The following NKAIN2 variants were observed in gnomAD, a reference collection of about 807,000 sequenced individuals.
NKAIN2 encodes sodium/potassium transporting ATPase interacting 2, also known as sodium/potassium-transporting ATPase subunit beta-1-interacting protein 2.
In NKAIN2, 14 loss-of-function variants were observed where a neutral mutation model predicts 32.6. The observed-to-expected ratio is 0.43, with a 90% CI of 0.28 to 0.67. NKAIN2 has a LOEUF of 0.67. NKAIN2 is among the 30% of genes least tolerant of loss of function. NKAIN2 has a pLI of 0.17. For synonymous variants in NKAIN2, 80 were observed against 87.2 expected (o/e 0.92, Z 0.46); for missense variants, 198 against 258.3 (o/e 0.77, Z 1.60).
intron 3 of NKAIN2, among the ~76,000 whole-genome samples, chr6:124,589,402 G>T (rs1781826379): frequency 6.6e-6 from 1 of 152,076 alleles, no homozygotes; most frequent in Non-Finnish European, 1.5e-5. Flanking sequence ...AATATTATAT[G>T]ACCTTCCTAA....
chr6:124,108,156 A>G (rs1370549328), intron 1 of NKAIN2, among the ~76,000 whole-genome samples: 1 of 152,128 alleles, frequency 6.6e-6, no homozygotes, highest in African/African-American at 2.4e-5. Context: ...CAAGAGTTCC[A>G]ATATCTCCAC....
intron 2 of NKAIN2, among the ~76,000 whole-genome samples, chr6:124,313,064 A>G (rs1583032500): frequency 6.6e-6 from 1 of 151,942 alleles, no homozygotes; most frequent in Admixed American, 6.6e-5. Context: ...GAACCATGGG[A>G]AAAAAAACCA....
chr6:124,308,552 G>T (rs560751995), intron 2 of NKAIN2, among the ~76,000 whole-genome samples: 46 of 151,608 alleles, frequency 3.0e-4, no homozygotes, highest in Admixed American at 2.8e-3. Context: ...GTTTTGTTTT[G>T]TTTTTCTTAA....
chr6:124,185,474 A>G (rs1562408475), intron 1 of NKAIN2, among the ~76,000 whole-genome samples: 1 of 152,174 alleles, frequency 6.6e-6, no homozygotes, highest in Non-Finnish European at 1.5e-5. Context: ...TCAAAGAAAG[A>G]TGAACTTATA....
In NKAIN2 at chr6:123,804,105, G is replaced by A; in HGVS notation, c.-96G>A. Reference sequence around the variant, plus strand: ...CCCGGAGCCCCCGAGCCCTCGGCAGGTTTGCGTGTCCTTCCCCGCGATCTG... The same window carrying A: ...CCCGGAGCCCCCGAGCCCTCGGCAGATTTGCGTGTCCTTCCCCGCGATCTG... On this transcript the variant is annotated 5_prime_UTR_variant, in exon 1 of 7. Transcript: ENST00000368417. 6.8e-6 allele frequency: 8 copies of A among 1,173,704 alleles called. No individual in the cohort carries two copies. The highest frequency in any genetic ancestry group is 1.0e-5 in the Non-Finnish European group (8 of 779,402). The allele number at this position is 1,173,704 out of a possible 1,614,324, so 72.7% of individuals were successfully genotyped here. A position where few individuals can be genotyped will look rare whatever the true frequency, so the allele number is the denominator to read the frequency against.
At chr6:124,430,071 AC>A (rs1180151099) in intron 3 of NKAIN2, among the ~76,000 whole-genome samples, 2 of 152,224 alleles carry the variant, frequency 1.3e-5, no homozygotes, top group African/African-American at 4.8e-5. Flanking sequence ...AAATTCTGCA[AC>A]AACCCAAGAG....
intron 3 of NKAIN2, among the ~76,000 whole-genome samples, chr6:124,553,873 ATTATT>A (rs1197644211): frequency 1.3e-5 from 2 of 152,140 alleles, no homozygotes; most frequent in Non-Finnish European, 2.9e-5. Flanking sequence ...TTTCTATAAC[ATTATT>A]TTATTTAATC....
At chr6:124,738,316 TAATAA>T (rs972049484) in intron 4 of NKAIN2, among the ~76,000 whole-genome samples, 255 of 151,950 alleles carry the variant, frequency 1.7e-3, no homozygotes, top group African/African-American at 5.9e-3. Flanking sequence ...ATTCCTTAGA[TAATAA>T]AATAAAACAT....
At chr6:124,357,365 G>A (rs748780487) in intron 3 of NKAIN2, among the ~76,000 whole-genome samples, 7 of 151,966 alleles carry the variant, frequency 4.6e-5, no homozygotes, top group Non-Finnish European at 7.4e-5. Flanking sequence ...TTCTTTAGTC[G>A]TTGCAACTGC....
At chr6:124,474,238 A>T (rs536416196) in intron 3 of NKAIN2, among the ~76,000 whole-genome samples, 66 of 152,264 alleles carry the variant, frequency 4.3e-4, no homozygotes, top group Middle Eastern at 3.4e-3. Context: ...GCCAAATTTC[A>T]TCATCTTAAA....
chr6:124,726,945 G>A lies in NKAIN2; in HGVS notation c.475-64394G>A, dbSNP rs12578821. Among the ~76,000 whole-genome samples, 970 of 132,282 alleles carry A rather than the reference G, an allele frequency of 7.3e-3. 26 individuals are homozygous for A. Among genetic ancestry groups the A allele is most frequent in the Non-Finnish European group, 0.012 (728 of 62,002 alleles). 86.8% of individuals were successfully genotyped at this position (132,282 alleles called of 152,430 possible). ...CAGGAGCTGATGCAATCAACTGGAAGAAAGGGTATCAGCGATGGAAGATGA... is the reference window on the plus strand; with the variant it reads ...CAGGAGCTGATGCAATCAACTGGAAAAAAGGGTATCAGCGATGGAAGATGA... On this transcript the variant is annotated intron_variant, in intron 4 of 6. Transcript: ENST00000368417.
chr6:124,537,718 C>G (rs948779567), intron 3 of NKAIN2, among the ~76,000 whole-genome samples: 2 of 152,100 alleles, frequency 1.3e-5, no homozygotes, highest in Non-Finnish European at 2.9e-5. Flanking sequence ...TCTCTCTCTC[C>G]TCTCATCTTT....
intron 4 of NKAIN2, among the ~76,000 whole-genome samples, chr6:124,707,866 T>G (rs1175564016): frequency 6.6e-6 from 1 of 152,228 alleles, no homozygotes; most frequent in African/African-American, 2.4e-5. Context: ...TCTGTGAATT[T>G]TGTCTTTTGT....
chr6:124,544,909 T>C (rs1780039696), intron 3 of NKAIN2, among the ~76,000 whole-genome samples: 1 of 152,158 alleles, frequency 6.6e-6, no homozygotes, highest in African/African-American at 2.4e-5. Context: ...GTAAATATAA[T>C]TTGATGATAA....
chr6:124,301,057 C>T (rs1317235246), intron 2 of NKAIN2, among the ~76,000 whole-genome samples: 2 of 152,152 alleles, frequency 1.3e-5, no homozygotes, highest in African/African-American at 4.8e-5. Flanking sequence ...CAGCCCCTCC[C>T]ATCACAGGGT....
chr6:123,877,436 A>G (rs1457632414), intron 1 of NKAIN2, among the ~76,000 whole-genome samples: 23 of 152,232 alleles, frequency 1.5e-4, no homozygotes. Context: ...TATGACACAT[A>G]TTCATCTGTA....
intron 1 of NKAIN2, among the ~76,000 whole-genome samples, chr6:123,996,740 T>G (rs569434224): frequency 6.6e-6 from 1 of 152,264 alleles, no homozygotes; most frequent in African/African-American, 2.4e-5. Context: ...TTTGTTGAAA[T>G]AAGCACATGT....
chr6:124,623,782 A>G (rs1783197755), intron 3 of NKAIN2, among the ~76,000 whole-genome samples: 2 of 152,096 alleles, frequency 1.3e-5, no homozygotes, highest in African/African-American at 4.8e-5. Flanking sequence ...TTCCATGGGT[A>G]CTGTTTCACG....
intron 3 of NKAIN2, among the ~76,000 whole-genome samples, chr6:124,414,457 T>C (rs145803723): frequency 5.4e-4 from 83 of 152,306 alleles, no homozygotes; most frequent in African/African-American, 2.0e-3. Flanking sequence ...TATTGGTCTA[T>C]AATTTTCGTT....
Sources: allele counts gnomAD v4.1 joint callset (sites outside exome capture counted in the v4.1 genomes callset), GRCh38; gene constraint gnomAD v4.1.1; transcripts MANE v1.5; gene names NCBI Gene and HGNC (gene_info 2026-07-23, HGNC 2026-07-21).